The following ANXA2 variants were observed in gnomAD, a reference collection of about 807,000 sequenced individuals.
ANXA2 encodes the protein annexin II.
A neutral mutation model predicts 47.3 loss-of-function variants in ANXA2; 28 were observed. That is an observed-to-expected ratio of 0.59 (90% confidence interval 0.44 to 0.81). The LOEUF (loss-of-function observed/expected upper bound fraction) is 0.81, where lower values mean the gene tolerates loss of function less well. Among genes scored for constraint, ANXA2 ranks in the 40% least tolerant of loss-of-function variants. The probability of loss-of-function intolerance (pLI) is 0.00; values close to 1 mark genes in which losing one functional copy is unlikely to be tolerated. For missense variants in ANXA2, 384 were observed against 414.3 expected, an observed-to-expected ratio of 0.93 and a Z score of 0.64; for synonymous variants, 172 against 155.5, an observed-to-expected ratio of 1.11 and a Z score of -0.79.
chr15:60,349,740 GAGAA>G (rs987958029), intron 11 of ANXA2, among the ~76,000 whole-genome samples: 2 of 143,192 alleles, frequency 1.4e-5, no homozygotes, highest in African/African-American at 5.2e-5. Context: ...GAGAGAGAGA[GAGAA>G]AGAAAGAGAG....
intron 7 of ANXA2, 83 bp downstream of exon 7, chr15:60,355,836 G>T: frequency 8.6e-7 from 1 of 1,166,554 alleles, no homozygotes; most frequent in Non-Finnish European, 1.3e-6. Context: ...AGGGGATTTA[G>T]TTAATTCACT....
At chr15:60,357,717 C>T (rs1040925987) in intron 5 of ANXA2, among the ~76,000 whole-genome samples, 10 of 151,868 alleles carry the variant, frequency 6.6e-5, no homozygotes, top group Non-Finnish European at 5.9e-5. Context: ...TGGCGTGAAC[C>T]TGGGAGGTGG....
chr15:60,392,904 TG>T, intron 1 of ANXA2: 1 of 821,464 alleles, frequency 1.2e-6, no homozygotes, highest in Non-Finnish European at 1.6e-6. Context: ...TACACAGTCC[TG>T]GACACACAGT....
intron 3 of ANXA2, among the ~76,000 whole-genome samples, chr15:60,381,595 A>C (rs2062860365): frequency 6.6e-6 from 1 of 152,158 alleles, no homozygotes; most frequent in African/African-American, 2.4e-5. Flanking sequence ...GAAGGCTTTT[A>C]CGCCTCCTGG....
In ANXA2 at chr15:60,397,113, C is replaced by A. The variant is rs575714012; in HGVS notation, c.-12+830G>T. Reference sequence around the variant, plus strand: ...GCTGATGGAACCCAAGCCCTCCACACCAGCAGTGGGGCCAGCTGCACAGAG... The same window carrying A: ...GCTGATGGAACCCAAGCCCTCCACAACAGCAGTGGGGCCAGCTGCACAGAG... On this transcript the variant is annotated intron_variant, in intron 1 of 12. Coordinates refer to ENST00000451270, the MANE Select transcript of ANXA2 (RefSeq NM_004039.3). The A allele has an allele frequency of 5.4e-5, 12 of 221,294 alleles. No homozygotes were observed. In the East Asian group the frequency reaches 2.2e-3, roughly 40 times the overall value. 13.7% of individuals were successfully genotyped at this position (221,294 alleles called of 1,614,324 possible).
intron 3 of ANXA2, among the ~76,000 whole-genome samples, chr15:60,375,232 AAG>A (rs1173128171): frequency 6.6e-6 from 1 of 152,168 alleles, no homozygotes; most frequent in African/African-American, 2.4e-5. Context: ...GCTTCTGAGA[AAG>A]GGGGGAGAAA....
In ANXA2 at chr15:60,352,535, A is replaced by T. The variant is rs147842368; in HGVS notation, c.589-59T>A. 9.3e-5 allele frequency: 118 copies of T among 1,273,028 alleles called. No homozygotes were observed. The African/African-American group carries it at 1.6e-3, about 17-fold the overall frequency. 78.9% of individuals were successfully genotyped at this position (1,273,028 alleles called of 1,614,324 possible). A position where few individuals can be genotyped will look rare whatever the true frequency, so the allele number is the denominator to read the frequency against. ...CACATCCAATGTAACGTCAAAAAAAATGTCATGCAAAAAAAACAAAAAAAG... is the reference window on the plus strand; with the variant it reads ...CACATCCAATGTAACGTCAAAAAAATTGTCATGCAAAAAAAACAAAAAAAG... On this transcript the variant is annotated intron_variant, in intron 8 of 12. Transcript: ENST00000451270. This position sits in a 1 kb window ranked among gnomAD's most constrained non-coding sequence, Gnocchi z 4.2.
intron 1 of ANXA2, chr15:60,390,552 A>C (rs2062995616): frequency 2.2e-6 from 1 of 454,796 alleles, no homozygotes; most frequent in Middle Eastern, 7.7e-4. Flanking sequence ...AAAATTACAA[A>C]GGAGGTTGTG....
chr15:60,393,432 C>T, intron 1 of ANXA2: 1 of 1,004,470 alleles, frequency 1.0e-6, no homozygotes, highest in Non-Finnish European at 1.2e-6. Context: ...TTCAACAGGG[C>T]CTGGCCGCCT....
At chr15:60,381,672 C>G (rs1166530498) in intron 3 of ANXA2, among the ~76,000 whole-genome samples, 1 of 152,002 alleles carries the variant, frequency 6.6e-6, no homozygotes, top group African/African-American at 2.4e-5. Flanking sequence ...AATTCCAGCT[C>G]CAGGCCTAAG....
At chr15:60,381,775 C>A (rs73418022) in intron 3 of ANXA2, among the ~76,000 whole-genome samples, 2,255 of 152,022 alleles carry the variant, frequency 0.015, 58 homozygotes, top group African/African-American at 0.052. Flanking sequence ...GTAAGATTTT[C>A]CCAGCAAATG....
At chr15:60,372,667 C>A (rs2062725927) in intron 3 of ANXA2, among the ~76,000 whole-genome samples, 1 of 143,030 alleles carries the variant, frequency 7.0e-6, no homozygotes, top group African/African-American at 2.6e-5. Flanking sequence ...CATTAATGGT[C>A]TTGTATTCAG....
At chr15:60,383,926 C>A (rs2062899087) in intron 2 of ANXA2, 1 of 152,210 alleles carries the variant, frequency 6.6e-6, no homozygotes, top group African/African-American at 2.4e-5. Context: ...CTAGATGACT[C>A]CCAGGAGAGG....
intron 3 of ANXA2, among the ~76,000 whole-genome samples, chr15:60,368,535 G>A (rs1430608293): frequency 6.6e-6 from 1 of 150,820 alleles, no homozygotes; most frequent in Admixed American, 6.6e-5. Flanking sequence ...ATTAATGTTG[G>A]AAAATATCCA....
At chr15:60,366,021 GT>G (rs1286040976) in intron 3 of ANXA2, among the ~76,000 whole-genome samples, 2 of 133,980 alleles carry the variant, frequency 1.5e-5, no homozygotes, top group South Asian at 2.6e-4. Context: ...ACTGGTTTTC[GT>G]TTTTTTTTGG....
chr15:60,396,557 T>G (rs1595716019), intron 1 of ANXA2: 1 of 152,240 alleles, frequency 6.6e-6, no homozygotes, highest in Admixed American at 6.5e-5. Flanking sequence ...AGTGATTTAG[T>G]CTTCCTACAC....
chr15:60,389,417 C>A (rs1227695078), intron 1 of ANXA2, among the ~76,000 whole-genome samples: 1 of 152,194 alleles, frequency 6.6e-6, no homozygotes, highest in Non-Finnish European at 1.5e-5. Context: ...GTCTTTCCAG[C>A]TCTGAGCTTT....
intron 11 of ANXA2, 36 bp from the exon 12 acceptor site, chr15:60,349,233 G>C: frequency 6.2e-7 from 1 of 1,610,542 alleles, no homozygotes; most frequent in Non-Finnish European, 8.5e-7. Context: ...CATTCGCTGA[G>C]AATGTTATCG....
chr15:60,370,487 C>T (rs1481109043), intron 3 of ANXA2, among the ~76,000 whole-genome samples: 2 of 152,208 alleles, frequency 1.3e-5, no homozygotes, highest in Non-Finnish European at 2.9e-5. Flanking sequence ...CTTTAGAACA[C>T]TGCTGCTTCC....
Sources: gnomAD v4.1 joint callset for allele counts (sites outside exome capture counted in the v4.1 genomes callset) on GRCh38, gnomAD v4.1.1 for gene constraint, Gnocchi (gnomAD v3.1) non-coding constraint, MANE v1.5 for transcripts, NCBI Gene and HGNC (gene_info 2026-07-23, HGNC 2026-07-21) for gene names.